The following NALF1 variants were observed in gnomAD, a reference collection of about 807,000 sequenced individuals.
The protein encoded by NALF1 is family with sequence similarity 155 member A.
NALF1 carries 3 observed loss-of-function variants against 48.4 expected under a neutral mutation model. The observed-to-expected ratio is 0.06, with a 90% CI of 0.03 to 0.16. The LOEUF (loss-of-function observed/expected upper bound fraction) is 0.16. Ranked by LOEUF, NALF1 falls within the 10% of genes least tolerant of loss-of-function variation. NALF1 has a pLI of 1.00. For missense variants in NALF1, 526 were observed against 571.5 expected (o/e 0.92, Z 0.81); for synonymous variants, 262 against 245.7 (o/e 1.07, Z -0.62).
chr13:107,732,626 G>A (rs943465423), intron 1 of NALF1, among the ~76,000 whole-genome samples: 80 of 152,090 alleles, frequency 5.3e-4, no homozygotes, highest in African/African-American at 1.9e-3. Context: ...CATATCTAGG[G>A]CATATGTGTC....
At chr13:107,171,321 C>T (rs1003225406) in intron 2 of NALF1, among the ~76,000 whole-genome samples, 6 of 152,162 alleles carry the variant, frequency 3.9e-5, no homozygotes, top group East Asian at 1.9e-4. Context: ...AGTGGGTGAT[C>T]GGGTCATTTT....
chr13:107,530,441 A>T (rs1876589271), intron 1 of NALF1, among the ~76,000 whole-genome samples: 1 of 152,152 alleles, frequency 6.6e-6, no homozygotes, highest in Non-Finnish European at 1.5e-5. Context: ...TTACTTGCTG[A>T]ATGAATGAAG....
At chr13:107,642,184 A>G (rs1404296686) in intron 1 of NALF1, among the ~76,000 whole-genome samples, 1 of 152,202 alleles carries the variant, frequency 6.6e-6, no homozygotes, top group Admixed American at 6.5e-5. Context: ...GCTTCCAACA[A>G]CTATGAAAGG....
chr13:107,843,942 A>G (rs1880106242), intron 1 of NALF1, among the ~76,000 whole-genome samples: 1 of 152,190 alleles, frequency 6.6e-6, no homozygotes, highest in Non-Finnish European at 1.5e-5. Context: ...GCTTCCAAAA[A>G]GATACAGTGT....
intron 2 of NALF1, among the ~76,000 whole-genome samples, chr13:107,209,823 G>A (rs1381736902): frequency 3.3e-5 from 5 of 152,076 alleles, no homozygotes; most frequent in Admixed American, 2.6e-4. Context: ...TGTTATAGAA[G>A]AGAATGCAGA....
chr13:107,370,675 C>G (rs375087874), intron 1 of NALF1, among the ~76,000 whole-genome samples: 2 of 152,132 alleles, frequency 1.3e-5, no homozygotes, highest in East Asian at 1.9e-4. Flanking sequence ...GAAAGCAAAA[C>G]AGTTGTATTA....
intron 1 of NALF1, among the ~76,000 whole-genome samples, chr13:107,344,470 T>A (rs956189099): frequency 6.6e-6 from 1 of 152,118 alleles, no homozygotes; most frequent in African/African-American, 2.4e-5. Flanking sequence ...CAAAAGTACA[T>A]TAAAAAGATT....
At chr13:107,403,404 A>G (rs562514391) in intron 1 of NALF1, among the ~76,000 whole-genome samples, 118 of 151,736 alleles carry the variant, frequency 7.8e-4, no homozygotes, top group African/African-American at 2.8e-3. Context: ...GAATCCCACT[A>G]ATTATGGAGC....
At chr13:107,304,827 T>C (rs1020348459) in intron 1 of NALF1, among the ~76,000 whole-genome samples, 1 of 152,222 alleles carries the variant, frequency 6.6e-6, no homozygotes, top group Non-Finnish European at 1.5e-5. Flanking sequence ...AAATGTTATG[T>C]ATTATTTACC....
chr13:107,703,512 C>A (rs1217321860), intron 1 of NALF1, among the ~76,000 whole-genome samples: 2 of 151,940 alleles, frequency 1.3e-5, no homozygotes, highest in African/African-American at 4.8e-5. Context: ...CATCACCATA[C>A]CTGGCTAATT....
chr13:107,689,787 T>C (rs531404416), intron 1 of NALF1, among the ~76,000 whole-genome samples: 23 of 152,326 alleles, frequency 1.5e-4, no homozygotes, highest in African/African-American at 4.3e-4. Context: ...TGAAAACATT[T>C]CAGGCTCTGC....
intron 1 of NALF1, among the ~76,000 whole-genome samples, chr13:107,368,521 C>T (rs1401538656): frequency 6.6e-6 from 1 of 152,082 alleles, no homozygotes; most frequent in Non-Finnish European, 1.5e-5. Context: ...GCTCCAGAGA[C>T]TCTGGGGGCA....
chr13:107,342,430 A>C (rs1882698524), intron 1 of NALF1, among the ~76,000 whole-genome samples: 1 of 152,198 alleles, frequency 6.6e-6, no homozygotes, highest in Admixed American at 6.5e-5. Flanking sequence ...GGATATCAAT[A>C]AGATGGTGGA....
rs116776626 is a variant in NALF1, at chr13:107,558,715, G to A, written c.915+306967C>T. Among the ~76,000 whole-genome samples the A allele has an allele frequency of 1.4e-3, 214 of 152,278 alleles. 1 individual carries two copies. The highest frequency in any genetic ancestry group is 4.9e-3 in the African/African-American group (204 of 41,554). On this transcript the variant is annotated intron_variant, in intron 1 of 2. Transcript: ENST00000375915. ...AAAACATGATTTCTGGGGTGTTTCAGGGCGTTTCCCAGAGAGATTAGCATT... is the reference window on the plus strand; with the variant it reads ...AAAACATGATTTCTGGGGTGTTTCAAGGCGTTTCCCAGAGAGATTAGCATT...
intron 1 of NALF1, among the ~76,000 whole-genome samples, chr13:107,687,279 A>C (rs1430908655): frequency 6.6e-6 from 1 of 152,052 alleles, no homozygotes; most frequent in Non-Finnish European, 1.5e-5. Flanking sequence ...TGGAAACAAC[A>C]GACACTGGGC....
At chr13:107,827,227 T>A (rs902808344) in intron 1 of NALF1, among the ~76,000 whole-genome samples, 19 of 152,156 alleles carry the variant, frequency 1.2e-4, no homozygotes, top group African/African-American at 4.6e-4. Context: ...ATTTATGGAG[T>A]GTCTGTTAAA....
intron 1 of NALF1, among the ~76,000 whole-genome samples, chr13:107,596,910 G>A (rs542315537): frequency 8.5e-5 from 13 of 152,176 alleles, no homozygotes; most frequent in Non-Finnish European, 1.6e-4. Context: ...TACTTATTTA[G>A]AGAAAGATAT....
chr13:107,307,774 CT>C (rs1881966230), intron 1 of NALF1, among the ~76,000 whole-genome samples: 1 of 152,108 alleles, frequency 6.6e-6, no homozygotes, highest in Non-Finnish European at 1.5e-5. Flanking sequence ...ACAATTCACC[CT>C]TTAACAATTA....
At chr13:107,325,987 A>ATATACATATATATG (rs1233399055) in intron 1 of NALF1, among the ~76,000 whole-genome samples, 1 of 148,760 alleles carries the variant, frequency 6.7e-6, no homozygotes, top group African/African-American at 2.5e-5. Context: ...ACATATACAT[A>ATATACATATATATG]TATACATATA....
Sources: allele counts gnomAD v4.1 joint callset (sites outside exome capture counted in the v4.1 genomes callset), GRCh38; gene constraint gnomAD v4.1.1; transcripts MANE v1.5; gene names NCBI Gene and HGNC (gene_info 2026-07-23, HGNC 2026-07-21).